The following DIAPH3 variants were observed in gnomAD, a reference collection of about 807,000 sequenced individuals.
The protein encoded by DIAPH3 is diaphanous related formin 3.
DIAPH3 carries 117 observed loss-of-function variants against 144.3 expected under a neutral mutation model. The observed-to-expected ratio is 0.81, with a 90% confidence interval of 0.70 to 0.95. The LOEUF (loss-of-function observed/expected upper bound fraction) is 0.95, where lower values mean the gene tolerates loss of function less well. DIAPH3 is among the 40% of genes least tolerant of loss of function. The pLI is 0.00. For synonymous variants in DIAPH3, 519 were observed against 488.9 expected (o/e 1.06, Z -0.81); for missense variants, 1,421 against 1,412.7 (o/e 1.01, Z -0.09).
At chr13:60,003,550 T>TATAG (rs533809048) in intron 9 of DIAPH3, among the ~76,000 whole-genome samples, 161 of 150,272 alleles carry the variant, frequency 1.1e-3, no homozygotes, top group Admixed American at 1.9e-3. Context: ...TCTATCTATA[T>TATAG]ATAGATAGAT....
chr13:59,964,305 T>C (rs375205484), intron 17 of DIAPH3, among the ~76,000 whole-genome samples: 1 of 152,084 alleles, frequency 6.6e-6, no homozygotes, highest in Non-Finnish European at 1.5e-5. Context: ...CCTAGTATCT[T>C]TCCTTTCTCC....
At chr13:59,753,283 T>C (rs1279147497) in intron 27 of DIAPH3, among the ~76,000 whole-genome samples, 1 of 152,246 alleles carries the variant, frequency 6.6e-6, no homozygotes, top group Non-Finnish European at 1.5e-5. Flanking sequence ...GCTTCTACTC[T>C]GATGAATCAC....
intron 5 of DIAPH3, among the ~76,000 whole-genome samples, chr13:60,040,215 A>G (rs949146286): frequency 2.5e-5 from 3 of 122,120 alleles, no homozygotes; most frequent in Non-Finnish European, 4.9e-5. Flanking sequence ...CAAAAGAGTG[A>G]GACTCCATCT....
At chr13:59,946,990 T>C (rs1366620784) in intron 17 of DIAPH3, among the ~76,000 whole-genome samples, 2 of 152,168 alleles carry the variant, frequency 1.3e-5, no homozygotes, top group Non-Finnish European at 2.9e-5. Flanking sequence ...TCAAGAACTG[T>C]CAATCAGCAC....
intron 19 of DIAPH3, among the ~76,000 whole-genome samples, chr13:59,914,636 G>T (rs2047144983): frequency 6.6e-6 from 1 of 152,154 alleles, no homozygotes; most frequent in Non-Finnish European, 1.5e-5. Context: ...AAACAATAGA[G>T]TTGGACGGAG....
intron 24 of DIAPH3, among the ~76,000 whole-genome samples, chr13:59,820,937 C>T (rs1026548237): frequency 4.6e-5 from 7 of 151,854 alleles, no homozygotes; most frequent in African/African-American, 1.7e-4. Flanking sequence ...CCCAACTCAA[C>T]ATTTTTCAAC....
intron 4 of DIAPH3, among the ~76,000 whole-genome samples, chr13:60,060,646 T>C (rs73532906): frequency 6.2e-4 from 95 of 152,288 alleles, no homozygotes; most frequent in African/African-American, 2.3e-3. Context: ...ACTGGATAGA[T>C]TGTCTCATAC....
chr13:60,135,272 T>C (rs1194439545), intron 1 of DIAPH3, among the ~76,000 whole-genome samples: 3 of 150,856 alleles, frequency 2.0e-5, no homozygotes, highest in Non-Finnish European at 3.0e-5. Flanking sequence ...TTTTAATATA[T>C]ACATTCTGAA....
intron 4 of DIAPH3, among the ~76,000 whole-genome samples, chr13:60,045,037 T>C (rs1458559267): frequency 1.3e-5 from 2 of 152,180 alleles, no homozygotes; most frequent in Non-Finnish European, 2.9e-5. Context: ...TTAAACCTTT[T>C]TATTTATAAA....
chr13:59,798,374 G>T (rs1298010384), intron 25 of DIAPH3, among the ~76,000 whole-genome samples: 1 of 152,138 alleles, frequency 6.6e-6, no homozygotes, highest in African/African-American at 2.4e-5. Flanking sequence ...GCATAGCATG[G>T]TTTCTTGACT....
At chr13:60,113,047 C>A (rs560121906) in intron 2 of DIAPH3, among the ~76,000 whole-genome samples, 1 of 152,206 alleles carries the variant, frequency 6.6e-6, no homozygotes, top group East Asian at 1.9e-4. Context: ...CACAGTGATT[C>A]CATGAGTTTT....
At chr13:60,053,574 A>C (rs73549760) in intron 4 of DIAPH3, among the ~76,000 whole-genome samples, 98 of 152,226 alleles carry the variant, frequency 6.4e-4, no homozygotes, top group African/African-American at 2.3e-3. Flanking sequence ...TTCTTTTGCT[A>C]GGTAACTATT....
rs565906496 is a variant in DIAPH3, at chr13:59,761,342, C to G, written c.3319+12847G>C. ...CAGTGTTTCAAAATGCGAATTTCAT[C>G]CTACCCTCTTGCTTACTAAGGAGTC... is the stretch of plus-strand genomic sequence containing the variant. On this transcript the variant is annotated intron_variant, in intron 27 of 27. Transcript: ENST00000400324. Among the ~76,000 whole-genome samples, 7 of 152,210 alleles carry G rather than the reference C, an allele frequency of 4.6e-5. No individual in the cohort carries two copies. In the South Asian group the frequency reaches 1.0e-3, roughly 23 times the overall value.
chr13:59,754,628 T>C (rs1470482189), intron 27 of DIAPH3, among the ~76,000 whole-genome samples: 1 of 152,160 alleles, frequency 6.6e-6, no homozygotes, highest in Non-Finnish European at 1.5e-5. Context: ...ATCGAAACTG[T>C]TTACTTACAG....
chr13:59,840,205 A>ATT (rs1718081937), intron 22 of DIAPH3, among the ~76,000 whole-genome samples: 1 of 152,146 alleles, frequency 6.6e-6, no homozygotes, highest in African/African-American at 2.4e-5. Flanking sequence ...GACCTAAACC[A>ATT]ACTTTTAAAA....
chr13:59,993,714 A>AAAAAAAAAAAAAAAAAAAC, intron 9 of DIAPH3, among the ~76,000 whole-genome samples: 1 of 150,066 alleles, frequency 6.7e-6, no homozygotes, highest in African/African-American at 2.4e-5. Context: ...AAAAAAAAAA[A>AAAAAAAAAAAAAAAAAAAC]AAAAAAAACT....
chr13:59,731,723 A>G (rs2035900233), intron 27 of DIAPH3, among the ~76,000 whole-genome samples: 1 of 152,208 alleles, frequency 6.6e-6, no homozygotes, highest in South Asian at 2.1e-4. Context: ...TGTTATCTAT[A>G]GTCCTATATA....
intron 5 of DIAPH3, among the ~76,000 whole-genome samples, chr13:60,017,718 T>C (rs1048488099): frequency 3.3e-5 from 5 of 152,232 alleles, no homozygotes; most frequent in Non-Finnish European, 7.3e-5. Context: ...AATATTTTAC[T>C]CATCTCTTGC....
At chr13:60,098,340 G>T (rs2058169629) in intron 3 of DIAPH3, among the ~76,000 whole-genome samples, 4 of 152,084 alleles carry the variant, frequency 2.6e-5, no homozygotes, top group Admixed American at 2.6e-4. Context: ...TAGCCTGGTA[G>T]CAGAAACCAG....
Sources: allele counts gnomAD v4.1 joint callset (sites outside exome capture counted in the v4.1 genomes callset), GRCh38; gene constraint gnomAD v4.1.1; transcripts MANE v1.5; gene names NCBI Gene and HGNC (gene_info 2026-07-23, HGNC 2026-07-21).